Variants in SDK1 observed in about 807,000 individuals in gnomAD.
SDK1 encodes the protein protein sidekick-1.
In SDK1, 157 loss-of-function variants were observed where a neutral mutation model predicts 245.5. The ratio of observed to expected loss-of-function variants is 0.64; its 90% CI spans 0.56 to 0.73. The LOEUF (loss-of-function observed/expected upper bound fraction) is 0.73, where lower values mean the gene tolerates loss of function less well. SDK1 is among the 30% of genes least tolerant of loss of function. SDK1 has a pLI of 0.00. For synonymous variants in SDK1, 1,647 were observed against 1,278.5 expected (o/e 1.29, Z -6.15); for missense variants, 3,583 against 3,002.3 (o/e 1.19, Z -4.52).
intron 1 of SDK1, among the ~76,000 whole-genome samples, chr7:3,566,919 T>C (rs1779938599): frequency 6.6e-6 from 1 of 152,132 alleles, no homozygotes; most frequent in South Asian, 2.1e-4. Flanking sequence ...GGATGGTAGA[T>C]ACAAGTGGGG....
At chr7:3,638,609 A>G (rs1185814729) in intron 2 of SDK1, among the ~76,000 whole-genome samples, 1 of 135,118 alleles carries the variant, frequency 7.4e-6, no homozygotes, top group Non-Finnish European at 1.6e-5. Flanking sequence ...ACAGGAAGGG[A>G]AACATCACAC....
chr7:3,438,323 C>T (rs1467504225), intron 1 of SDK1, among the ~76,000 whole-genome samples: 1 of 152,218 alleles, frequency 6.6e-6, no homozygotes, highest in African/African-American at 2.4e-5. Context: ...TCTGCTATAT[C>T]TATCACCTTC....
At position 4,268,908 on chromosome 7, in the gene SDK1, A is replaced by G. The variant is rs1788637271; in HGVS notation, c.*3524A>G. 2 of 389,824 alleles carry G rather than the reference A, an allele frequency of 5.1e-6. No homozygotes were observed. The highest frequency in any genetic ancestry group is 9.9e-6 in the Non-Finnish European group (2 of 201,782). 24.1% of individuals were successfully genotyped at this position (389,824 alleles called of 1,614,324 possible). Reference sequence around the variant, plus strand: ...TTTCTGAAATTGTGCAGAAAAACAGATCTCATTAAAAGAAAAAAAGAAACA... The same window carrying G: ...TTTCTGAAATTGTGCAGAAAAACAGGTCTCATTAAAAGAAAAAAAGAAACA... On this transcript the variant is annotated 3_prime_UTR_variant, in exon 45 of 45. Transcript: ENST00000404826.
At chr7:4,094,986 G>A (rs747411453) in intron 22 of SDK1, among the ~76,000 whole-genome samples, 5 of 152,194 alleles carry the variant, frequency 3.3e-5, no homozygotes, top group Admixed American at 2.6e-4. Flanking sequence ...AAGCTTTGTC[G>A]AAACATTTTG....
At chr7:3,578,024 CTT>C (rs1780353130) in intron 1 of SDK1, among the ~76,000 whole-genome samples, 2 of 152,028 alleles carry the variant, frequency 1.3e-5, no homozygotes, top group Non-Finnish European at 2.9e-5. Context: ...GGCAATGTTT[CTT>C]TCTTTTCCTC....
intron 4 of SDK1, among the ~76,000 whole-genome samples, chr7:3,663,780 A>G (rs1030219663): frequency 6.6e-6 from 1 of 152,208 alleles, no homozygotes; most frequent in Non-Finnish European, 1.5e-5. Context: ...AAGTCTGTAC[A>G]TCTAAAAGGA....
intron 4 of SDK1, among the ~76,000 whole-genome samples, chr7:3,694,577 T>TGGGG (rs55771776): frequency 1.3e-5 from 2 of 150,792 alleles, no homozygotes; most frequent in South Asian, 4.2e-4. Flanking sequence ...TTTATGTTGG[T>TGGGG]GGGGGGGGAA....
At chr7:3,441,215 T>G (rs1370877740) in intron 1 of SDK1, among the ~76,000 whole-genome samples, 1 of 152,184 alleles carries the variant, frequency 6.6e-6, no homozygotes, top group Non-Finnish European at 1.5e-5. Context: ...ATATTTTATT[T>G]TATGATTTAT....
chr7:3,874,861 A>C (rs75018898), intron 5 of SDK1, among the ~76,000 whole-genome samples: 2 of 152,042 alleles, frequency 1.3e-5, no homozygotes, highest in African/African-American at 2.4e-5. Flanking sequence ...CATAGGGGAG[A>C]TACGTCTCAG....
intron 40 of SDK1, among the ~76,000 whole-genome samples, chr7:4,229,679 T>G (rs1378432726): frequency 6.6e-6 from 1 of 152,150 alleles, no homozygotes; most frequent in Non-Finnish European, 1.5e-5. Context: ...CTCAGAACAG[T>G]CTGAAGAAAT....
chr7:3,609,532 C>G (rs993641981), intron 1 of SDK1, among the ~76,000 whole-genome samples: 9 of 152,174 alleles, frequency 5.9e-5, no homozygotes, highest in African/African-American at 2.2e-4. Context: ...TCCCAAGTAG[C>G]TGGGATTACA....
At chr7:3,784,585 A>C (rs978180775) in intron 4 of SDK1, among the ~76,000 whole-genome samples, 3 of 152,240 alleles carry the variant, frequency 2.0e-5, no homozygotes, top group African/African-American at 7.2e-5. Flanking sequence ...GAAGACATAC[A>C]AATGGCTGAC....
At chr7:3,455,464 G>C (rs1328421496) in intron 1 of SDK1, among the ~76,000 whole-genome samples, 1 of 151,166 alleles carries the variant, frequency 6.6e-6, no homozygotes, top group African/African-American at 2.4e-5. Context: ...ATAAATGTGA[G>C]ACTTGGGTGG....
intron 1 of SDK1, among the ~76,000 whole-genome samples, chr7:3,314,516 A>T (rs1779618356): frequency 6.6e-6 from 1 of 152,182 alleles, no homozygotes; most frequent in Non-Finnish European, 1.5e-5. Flanking sequence ...AGCTCAGTGG[A>T]TGAGAGTTAG....
intron 38 of SDK1, among the ~76,000 whole-genome samples, chr7:4,211,767 G>A (rs370687916): frequency 7.9e-5 from 12 of 152,182 alleles, no homozygotes; most frequent in Non-Finnish European, 4.4e-5. Context: ...CCACCACCAC[G>A]CCCAGCTAAC....
At position 4,120,138 on chromosome 7, in the gene SDK1, T is replaced by C. The variant is rs960313459; in HGVS notation, c.3823+5864T>C. On this transcript the variant is annotated intron_variant, in intron 25 of 44. Coordinates refer to ENST00000404826, the MANE Select transcript of SDK1 (RefSeq NM_152744.4). ...AGATTGAAAATAGAGATTAAAAGAC[T>C]TGAAGAACAGAATGAGATCTACCAC... 4.7e-5 allele frequency among the ~76,000 whole-genome samples: 7 copies of C among 147,678 alleles called. 3 individuals are homozygous for C. Among genetic ancestry groups the C allele is most frequent in the Non-Finnish European group, 6.0e-5 (4 of 66,298 alleles).
intron 17 of SDK1, among the ~76,000 whole-genome samples, chr7:4,044,590 C>T (rs138079629): frequency 0.015 from 2,324 of 152,066 alleles, 30 homozygotes; most frequent in Non-Finnish European, 0.025. Flanking sequence ...ACTACAGGTG[C>T]ATGCCACCAT....
intron 1 of SDK1, among the ~76,000 whole-genome samples, chr7:3,333,451 T>G (rs1780120191): frequency 6.6e-6 from 1 of 152,198 alleles, no homozygotes; most frequent in South Asian, 2.1e-4. Context: ...AATGCTTATC[T>G]TTTGTTCTGT....
intron 22 of SDK1, among the ~76,000 whole-genome samples, chr7:4,104,065 C>A (rs1431542500): frequency 6.6e-6 from 1 of 152,226 alleles, no homozygotes. Context: ...TAGAGCCCTG[C>A]TTGTTTGTGT....
Sources: allele counts gnomAD v4.1 joint callset (sites outside exome capture counted in the v4.1 genomes callset), GRCh38; gene constraint gnomAD v4.1.1; transcripts MANE v1.5; gene names NCBI Gene and HGNC (gene_info 2026-07-23, HGNC 2026-07-21).